KLF12: variants seen among roughly 807,000 people sequenced by gnomAD.
The protein encoded by KLF12 is Krueppel-like factor 12.
A neutral mutation model predicts 37.8 loss-of-function variants in KLF12; 9 were observed. That is an observed-to-expected ratio of 0.24 (90% CI 0.14 to 0.42). The LOEUF (loss-of-function observed/expected upper bound fraction) is 0.42, where lower values mean the gene tolerates loss of function less well. Among genes scored for constraint, KLF12 ranks in the 10% least tolerant of loss-of-function variants. KLF12 has a pLI of 1.00. For missense variants in KLF12, 411 were observed against 516.0 expected, an observed-to-expected ratio of 0.80 and a Z score of 1.97; for synonymous variants, 208 against 202.1, an observed-to-expected ratio of 1.03 and a Z score of -0.25.
chr13:73,810,168 C>T (rs1325261305), intron 5 of KLF12, among the ~76,000 whole-genome samples: 1 of 151,960 alleles, frequency 6.6e-6, no homozygotes, highest in African/African-American at 2.4e-5. Context: ...TCACTTGAAC[C>T]TGGGAAGCAG....
chr13:74,285,784 T>C, the KLF12 span, among the ~76,000 whole-genome samples: 4 of 152,216 alleles, frequency 2.6e-5, no homozygotes, highest in Non-Finnish European at 4.4e-5. Flanking sequence ...TTGATAAATA[T>C]TTTATTGAGA....
chr13:74,090,329 A>AAGACT (rs1312731126), intron 1 of KLF12, among the ~76,000 whole-genome samples: 1 of 152,174 alleles, frequency 6.6e-6, no homozygotes, highest in African/African-American at 2.4e-5. Flanking sequence ...CCCAGATTGG[A>AAGACT]AGACTCAAGA....
intron 3 of KLF12, among the ~76,000 whole-genome samples, chr13:73,917,531 G>A (rs1434763199): frequency 6.6e-6 from 1 of 152,184 alleles, no homozygotes; most frequent in African/African-American, 2.4e-5. Context: ...CCAGCTTTTA[G>A]TTTATACTAT....
the KLF12 span, among the ~76,000 whole-genome samples, chr13:74,285,065 A>C: frequency 6.6e-6 from 1 of 152,178 alleles, no homozygotes; most frequent in Non-Finnish European, 1.5e-5. Context: ...AGGACAAGTA[A>C]CTGCATGAAT....
At chr13:73,955,671 A>G (rs1890809436) in intron 2 of KLF12, among the ~76,000 whole-genome samples, 1 of 152,226 alleles carries the variant, frequency 6.6e-6, no homozygotes, top group African/African-American at 2.4e-5. Flanking sequence ...TTATCCAGAA[A>G]TATACTGTTT....
intron 4 of KLF12, among the ~76,000 whole-genome samples, chr13:73,821,127 C>G (rs1181078195): frequency 6.6e-6 from 1 of 152,198 alleles, no homozygotes; most frequent in Non-Finnish European, 1.5e-5. Context: ...TTGTCTCTCT[C>G]TGGTTATCTA....
intron 2 of KLF12, among the ~76,000 whole-genome samples, chr13:73,959,235 C>A (rs1890947256): frequency 6.6e-6 from 1 of 151,960 alleles, no homozygotes. Flanking sequence ...CAACTGTTCC[C>A]TTGCTACCCC....
intron 1 of KLF12, among the ~76,000 whole-genome samples, chr13:74,022,797 T>G (rs1892877374): frequency 6.6e-6 from 1 of 151,598 alleles, no homozygotes; most frequent in South Asian, 2.1e-4. Flanking sequence ...TGGGAAGGCC[T>G]TGAATTATGA....
At chr13:74,175,215 A>T in the KLF12 span, among the ~76,000 whole-genome samples, 1 of 152,220 alleles carries the variant, frequency 6.6e-6, no homozygotes, top group Non-Finnish European at 1.5e-5. Flanking sequence ...GGTCTTGAAC[A>T]TACTACTGAC....
At chr13:74,128,846 G>T (rs958219012) in intron 1 of KLF12, among the ~76,000 whole-genome samples, 1 of 151,528 alleles carries the variant, frequency 6.6e-6, no homozygotes, top group African/African-American at 2.4e-5. Flanking sequence ...TTATACACAC[G>T]TGTGGCTTTT....
chr13:73,758,313 T>C (rs1879317207), intron 6 of KLF12, among the ~76,000 whole-genome samples: 1 of 152,334 alleles, frequency 6.6e-6, no homozygotes, highest in East Asian at 1.9e-4. Context: ...GCAGCTTTGC[T>C]AGAGTAAATC....
At chr13:74,034,579 T>C (rs1239714125) in intron 1 of KLF12, among the ~76,000 whole-genome samples, 1 of 152,242 alleles carries the variant, frequency 6.6e-6, no homozygotes, top group Non-Finnish European at 1.5e-5. Context: ...AATTCCAACT[T>C]ACAATTTCTA....
At chr13:73,729,918 A>C (rs1047854434) in intron 6 of KLF12, among the ~76,000 whole-genome samples, 2 of 152,106 alleles carry the variant, frequency 1.3e-5, no homozygotes, top group Non-Finnish European at 2.9e-5. Context: ...ATGAAAAATG[A>C]CTCAAATTTT....
At chr13:74,266,270 C>A in the KLF12 span, among the ~76,000 whole-genome samples, 1 of 152,164 alleles carries the variant, frequency 6.6e-6, no homozygotes, top group African/African-American at 2.4e-5. Context: ...AAGTTATGAC[C>A]TCTCCAGTAA....
intron 3 of KLF12, among the ~76,000 whole-genome samples, chr13:73,922,619 A>C (rs1272997795): frequency 6.6e-6 from 1 of 152,132 alleles, no homozygotes; most frequent in Non-Finnish European, 1.5e-5. Flanking sequence ...GAGATAATGG[A>C]ATGAGAATTC....
intron 1 of KLF12, among the ~76,000 whole-genome samples, chr13:74,114,797 CAT>C (rs1348016893): frequency 1.3e-5 from 2 of 152,188 alleles, no homozygotes; most frequent in South Asian, 2.1e-4. Context: ...ATTTCATACA[CAT>C]GTCCCCCTCC....
intron 3 of KLF12, among the ~76,000 whole-genome samples, chr13:73,906,855 C>A (rs927155837): frequency 6.6e-6 from 1 of 152,142 alleles, no homozygotes; most frequent in Non-Finnish European, 1.5e-5. Flanking sequence ...AACTGTTTAG[C>A]CCATCTCAAA....
At chr13:73,703,040 C>T (rs1439401372) in intron 7 of KLF12, among the ~76,000 whole-genome samples, 1 of 152,124 alleles carries the variant, frequency 6.6e-6, no homozygotes. Flanking sequence ...CAGCCATATA[C>T]AGGCTTAGTC....
At position 73,715,477 on chromosome 13, in the gene KLF12, A is replaced by G; in HGVS notation, c.918T>C (p.Ser306=). ...GCCGTTTTCTGGAGTCTGGGGATTC[A>G]GACCGTCTCTGGCGTCTTGTGCTCT... The change falls in exon 7 of 8, where the codon TCT becomes TCC. Residue 306 remains serine (S), a synonymous_variant. Coordinates refer to ENST00000377669, the MANE Select transcript of KLF12 (RefSeq NM_007249.5). The G allele has an allele frequency of 6.2e-7, 1 of 1,614,112 alleles. No individual in the cohort carries two copies. Among genetic ancestry groups the G allele is most frequent in the South Asian group, 1.1e-5 (1 of 91,080 alleles).
Sources: allele counts gnomAD v4.1 joint callset (sites outside exome capture counted in the v4.1 genomes callset), GRCh38; gene constraint gnomAD v4.1.1; transcripts MANE v1.5; gene names NCBI Gene and HGNC (gene_info 2026-07-23, HGNC 2026-07-21).